The following CLIC2 variants were observed in gnomAD, a reference collection of about 807,000 sequenced individuals.
CLIC2 encodes CLIC family member 2.
Under a neutral mutation model 14.8 loss-of-function variants are expected in CLIC2, and 9 were observed. The observed-to-expected ratio is 0.61, with a 90% CI of 0.37 to 1.06. The LOEUF (loss-of-function observed/expected upper bound fraction) is 1.06. CLIC2 is among the 50% of genes least tolerant of loss of function. The pLI, the probability that CLIC2 is intolerant of heterozygous loss-of-function variation, is 0.01. For synonymous variants in CLIC2, 61 were observed against 66.3 expected, an observed-to-expected ratio of 0.92 and a Z score of 0.39; for missense variants, 148 against 181.4, an observed-to-expected ratio of 0.82 and a Z score of 1.06.
chrX:155,288,333 A>G (rs1557317281), intron 3 of CLIC2, among the ~76,000 whole-genome samples: 1 of 112,364 alleles, frequency 8.9e-6, no homozygotes, highest in African/African-American at 3.2e-5. Flanking sequence ...GTTATGCTCT[A>G]TAACAAATGC....
intron 1 of CLIC2, among the ~76,000 whole-genome samples, chrX:155,319,774 C>T (rs1209548069): frequency 8.9e-6 from 1 of 111,860 alleles, no homozygotes; most frequent in African/African-American, 3.2e-5. Context: ...TCAGTGGATC[C>T]CATCCCATGG....
intron 1 of CLIC2, among the ~76,000 whole-genome samples, chrX:155,309,010 T>C (rs1055069216): frequency 4.5e-5 from 5 of 112,227 alleles, no homozygotes; most frequent in Non-Finnish European, 7.5e-5. Context: ...TATAATACTG[T>C]AACTGTGGTT....
chrX:155,286,886 G>C (rs782145406), intron 3 of CLIC2, among the ~76,000 whole-genome samples: 1 of 112,308 alleles, frequency 8.9e-6, no homozygotes, highest in African/African-American at 3.2e-5. Context: ...TAGATGCATA[G>C]TTTGTAAAAA....
rs185672119 is a variant in CLIC2, at chrX:155,283,540, C to T, written c.294-3472G>A. Among the ~76,000 whole-genome samples, 12 of 111,304 alleles carry T rather than the reference C, an allele frequency of 1.1e-4. No individual in the cohort carries two copies. The East Asian group carries it at 3.4e-3, about 31-fold the overall frequency. ...GGTGTGCTGCGCCCATTAGGTATAT[C>T]TCCTAATGCTATCCCTCCCCACCCC... is the stretch of plus-strand genomic sequence containing the variant. On this transcript the variant is annotated intron_variant, in intron 3 of 5. Transcript: ENST00000369449.
chrX:155,292,654 C>G (rs1557317797), intron 3 of CLIC2: 2 of 256,539 alleles, frequency 7.8e-6, no homozygotes, highest in African/African-American at 6.5e-5. Context: ...CCTGTAGTCC[C>G]AGCTACTGGG....
At chrX:155,286,656 T>C (rs981533357) in intron 3 of CLIC2, among the ~76,000 whole-genome samples, 1 of 112,090 alleles carries the variant, frequency 8.9e-6, no homozygotes, top group Admixed American at 9.4e-5. Flanking sequence ...TTTCTTGACT[T>C]TTTATTTTTA....
intron 5 of CLIC2, 56 bp from the exon 6 acceptor site, chrX:155,278,120 G>A (rs782015569): frequency 2.0e-6 from 2 of 1,006,939 alleles, no homozygotes; most frequent in Non-Finnish European, 2.8e-6. Flanking sequence ...TGCCTACTAT[G>A]TAGAAATGTT....
At chrX:155,321,996 A>T (rs1344098896) in intron 1 of CLIC2, among the ~76,000 whole-genome samples, 2 of 111,871 alleles carry the variant, frequency 1.8e-5, no homozygotes, top group Non-Finnish European at 3.8e-5. Context: ...GAATCAATGC[A>T]ACAAGAAGAG....
chrX:155,306,813 G>A (rs2075057406), intron 1 of CLIC2, among the ~76,000 whole-genome samples: 1 of 110,860 alleles, frequency 9.0e-6, no homozygotes, highest in Non-Finnish European at 1.9e-5. Flanking sequence ...ACTATCATGA[G>A]GGCAGCACTA....
intron 1 of CLIC2, among the ~76,000 whole-genome samples, chrX:155,326,017 T>A (rs2075136567): frequency 9.3e-6 from 1 of 106,995 alleles, no homozygotes. Flanking sequence ...CTTTGAAGAC[T>A]CAGAGAAAGG....
chrX:155,327,291 T>C (rs2075141855), intron 1 of CLIC2, among the ~76,000 whole-genome samples: 1 of 111,276 alleles, frequency 9.0e-6, no homozygotes, highest in Non-Finnish European at 1.9e-5. Context: ...TTAAAAGTAA[T>C]GGCAAAAAGC....
chrX:155,293,030 C>A, intron 3 of CLIC2: 1 of 669,495 alleles, frequency 1.5e-6, no homozygotes, highest in Non-Finnish European at 2.5e-6. Flanking sequence ...CCATTAAACA[C>A]AGCCCTGTAC....
chrX:155,314,498 C>T (rs2075087766), intron 1 of CLIC2, among the ~76,000 whole-genome samples: 1 of 111,787 alleles, frequency 8.9e-6, no homozygotes, highest in Admixed American at 9.5e-5. Flanking sequence ...CACCGCAGTT[C>T]GGCTCTCAGG....
chrX:155,305,343 GC>G (rs782095086), intron 1 of CLIC2, among the ~76,000 whole-genome samples: 22 of 112,337 alleles, frequency 2.0e-4, no homozygotes, highest in East Asian at 1.1e-3. Context: ...TTTTCCAGGT[GC>G]CATCTGTCAC....
At chrX:155,295,616 A>G (rs1283846558) in intron 3 of CLIC2, among the ~76,000 whole-genome samples, 4 of 111,096 alleles carry the variant, frequency 3.6e-5, no homozygotes, top group African/African-American at 1.3e-4. Context: ...GTATCTAGTA[A>G]AACCTAAAAA....
Position 155,277,967 on chromosome X carries a change from T to C in CLIC2, c.680A>G (p.His227Arg), listed in dbSNP as rs782118673. The C allele has an allele frequency of 5.0e-6, 6 of 1,207,977 alleles. No individual in the cohort carries two copies. The South Asian group carries it at 1.1e-4, about 21-fold the overall frequency. The change falls in exon 6 of 6, where the codon CAC becomes CGC. Residue 227 changes from histidine (H) to arginine (R), a missense_variant. His to Arg is a conservative substitution (Grantham distance 29). Transcript: ENST00000369449. ...HNAYAREEFT[H>R]TCPEDKEIEN... ...AATTTCTTTGTCTTCAGGACACGTG[T>C]GGGTAAATTCTTCACGGGCATAGGC...
intron 1 of CLIC2, among the ~76,000 whole-genome samples, chrX:155,302,136 A>C (rs1229108792): frequency 9.4e-6 from 1 of 106,588 alleles, no homozygotes; most frequent in African/African-American, 3.4e-5. Flanking sequence ...ATTGATTGGA[A>C]GAGTTTCAGA....
intron 1 of CLIC2, 42 bp from the exon 2 acceptor site, chrX:155,299,187 A>G (rs377459528): frequency 4.9e-6 from 5 of 1,027,487 alleles, no homozygotes; most frequent in Non-Finnish European, 6.8e-6. Flanking sequence ...TGTTTGTTCA[A>G]TAAGTATGTA....
At chrX:155,318,978 CA>C (rs1329425280) in intron 1 of CLIC2, among the ~76,000 whole-genome samples, 1 of 111,748 alleles carries the variant, frequency 8.9e-6, no homozygotes, top group Non-Finnish European at 1.9e-5. Flanking sequence ...CCCTATTCAA[CA>C]AATAATGTCG....
Sources: gnomAD v4.1 joint callset for allele counts (sites outside exome capture counted in the v4.1 genomes callset) on GRCh38, gnomAD v4.1.1 for gene constraint, MANE v1.5 for transcripts, NCBI Gene and HGNC (gene_info 2026-07-23, HGNC 2026-07-21) for gene names.